Variants in PDGFRA observed in about 807,000 individuals in gnomAD.
The protein encoded by PDGFRA is platelet-derived growth factor receptor alpha.
In PDGFRA, 25 loss-of-function variants were observed where a neutral mutation model predicts 121.5. The observed-to-expected ratio is 0.21, with a 90% CI of 0.15 to 0.29. PDGFRA has a LOEUF of 0.29. Ranked by LOEUF, PDGFRA falls within the 10% of genes least tolerant of loss-of-function variation. PDGFRA has a pLI of 1.00. For missense variants in PDGFRA, 1,008 were observed against 1,345.1 expected (o/e 0.75, Z 3.92); for synonymous variants, 463 against 494.8 (o/e 0.94, Z 0.85).
Position 54,270,759 on chromosome 4 carries a change from G to A in PDGFRA, c.1237+11G>A, listed in dbSNP as rs2110280456. 4 of 1,385,684 alleles carry A rather than the reference G, an allele frequency of 2.9e-6. No homozygotes were observed. Among genetic ancestry groups the A allele is most frequent in the Non-Finnish European group, 4.1e-6 (4 of 971,882 alleles). 85.8% of individuals were successfully genotyped at this position (1,385,684 alleles called of 1,614,324 possible). ...AACTGTTAACTCAAGGTATGTAAAG[G>A]GAGTATAAAGATAATGCTAGCTCTG... On this transcript the variant is annotated intron_variant, in intron 8 of 22. Coordinates refer to ENST00000257290, the MANE Select transcript of PDGFRA (RefSeq NM_006206.6).
intron 1 of PDGFRA, among the ~76,000 whole-genome samples, chr4:54,249,349 G>A (rs1004427307): frequency 2.9e-4 from 44 of 152,240 alleles, no homozygotes; most frequent in Non-Finnish European, 5.6e-4. Context: ...GTTTATTGCG[G>A]CACTATTCAC....
At chr4:54,233,857 G>T (rs1053545185) in intron 1 of PDGFRA, among the ~76,000 whole-genome samples, 2 of 152,142 alleles carry the variant, frequency 1.3e-5, no homozygotes, top group African/African-American at 4.8e-5. Flanking sequence ...TTACGACCCT[G>T]CGTTATTGTG....
chr4:54,265,275 G>C, intron 5 of PDGFRA: 1 of 524,714 alleles, frequency 1.9e-6, no homozygotes. Context: ...AATACATAAA[G>C]AGTGTGCCGT....
At chr4:54,237,561 A>C (rs1272169333) in intron 1 of PDGFRA, among the ~76,000 whole-genome samples, 1 of 152,186 alleles carries the variant, frequency 6.6e-6, no homozygotes, top group Non-Finnish European at 1.5e-5. Context: ...GGAGGCTGAT[A>C]TTTATATGTA....
intron 1 of PDGFRA, among the ~76,000 whole-genome samples, chr4:54,247,521 C>T (rs1026626510): frequency 6.6e-6 from 1 of 151,864 alleles, no homozygotes; most frequent in Non-Finnish European, 1.5e-5. Context: ...ATTCAACAAC[C>T]CTTCATGCTA....
intron 3 of PDGFRA, among the ~76,000 whole-genome samples, chr4:54,262,181 C>T (rs893518425): frequency 6.6e-6 from 1 of 152,044 alleles, no homozygotes; most frequent in Admixed American, 6.5e-5. Flanking sequence ...CTGCCTGCTT[C>T]GGCCTCCCAA....
At chr4:54,285,523 T>A (rs1362877744) in intron 17 of PDGFRA, 37 bp downstream of exon 17, 1 of 893,220 alleles carries the variant, frequency 1.1e-6, no homozygotes, top group Non-Finnish European at 1.9e-6. Context: ...TAGACCCAGA[T>A]TTCAGTGAGT....
At chr4:54,245,193 A>G (rs1721565430) in intron 1 of PDGFRA, among the ~76,000 whole-genome samples, 3 of 152,186 alleles carry the variant, frequency 2.0e-5, no homozygotes, top group African/African-American at 4.8e-5. Context: ...GCAGGCCAAC[A>G]TTCAGATTCA....
intron 1 of PDGFRA, among the ~76,000 whole-genome samples, chr4:54,256,588 A>C (rs1722385719): frequency 6.7e-6 from 1 of 150,248 alleles, no homozygotes; most frequent in African/African-American, 2.5e-5. Flanking sequence ...TCTGTCGCCC[A>C]CACTGGAGTG....
At chr4:54,275,230 G>A (rs185247046) in intron 12 of PDGFRA, among the ~76,000 whole-genome samples, 1 of 152,184 alleles carries the variant, frequency 6.6e-6, no homozygotes, top group African/African-American at 2.4e-5. Context: ...AAGAGGGCTG[G>A]CAAAGATACC....
chr4:54,255,087 A>C (rs1341698347), intron 1 of PDGFRA, among the ~76,000 whole-genome samples: 1 of 152,178 alleles, frequency 6.6e-6, no homozygotes, highest in East Asian at 1.9e-4. Context: ...GCCTTGTATT[A>C]GAATTTTGGC....
rs1185669743 is a variant in PDGFRA at position 54,277,800 on chromosome 4, T to C, written c.1892-96T>C. ...TTTAGACTTCTGGTAAATAGAATGA[T>C]ATCCAATCACAGGATTAGTCATATT... is the stretch of plus-strand genomic sequence containing the variant. On this transcript the variant is annotated intron_variant, in intron 13 of 22. Coordinates refer to ENST00000257290, the MANE Select transcript of PDGFRA (RefSeq NM_006206.6). 3 of 806,976 alleles carry C rather than the reference T, an allele frequency of 3.7e-6. No individual in the cohort carries two copies. The East Asian group carries it at 7.6e-5, about 21-fold the overall frequency. The allele number at this position is 806,976 out of a possible 1,614,324, so 50.0% of individuals were successfully genotyped here. A position where few individuals can be genotyped will look rare whatever the true frequency, so the allele number is the denominator to read the frequency against.
chr4:54,273,667 G>T lies in PDGFRA; in HGVS notation c.1495G>T (p.Val499Leu), dbSNP rs746574289. 1 of 1,614,020 alleles carries T rather than the reference G, an allele frequency of 6.2e-7. No homozygotes were observed. Among genetic ancestry groups the T allele is most frequent in the Non-Finnish European group, 8.5e-7 (1 of 1,180,000 alleles). ...CGCCAAAGTGGAGGAGACCATCGCC[G>T]TGCGATGCCTGGCTAAGAATCTCCT... ...TFAKVEETIA[V>L]RCLAKNLLGA... is the part of the protein sequence containing the mutation. The change falls in exon 10 of 23, where the codon GTG (valine) becomes TTG (leucine). Residue 499 changes from valine (V) to leucine (L), a missense_variant. Physicochemically the swap from Val to Leu is conservative, Grantham distance 32. Around this residue, in one of 5 missense-constraint regions of PDGFRA, gnomAD observed 575 missense variants for 701.8 expected, o/e 0.82. Transcript: ENST00000257290.
intron 9 of PDGFRA, 109 bp downstream of exon 9, chr4:54,272,629 G>A (rs2110287979): frequency 8.0e-7 from 1 of 1,242,696 alleles, no homozygotes; most frequent in Non-Finnish European, 1.2e-6. Flanking sequence ...GGTTTTGGGT[G>A]TGATAGCTTC....
At chr4:54,238,914 G>A (rs547397173) in intron 1 of PDGFRA, among the ~76,000 whole-genome samples, 16 of 152,168 alleles carry the variant, frequency 1.1e-4, no homozygotes, top group Middle Eastern at 3.4e-3. Flanking sequence ...TGGAGGCTGC[G>A]GTGAGCTGAG....
At chr4:54,265,142 C>A in intron 5 of PDGFRA, 93 bp downstream of exon 5, 1 of 1,219,442 alleles carries the variant, frequency 8.2e-7, no homozygotes, top group Non-Finnish European at 1.2e-6. Context: ...ATGGGCACAT[C>A]ACTGAGTTTC....
chr4:54,280,739 G>A (rs1724033078), intron 16 of PDGFRA: 4 of 286,800 alleles, frequency 1.4e-5, no homozygotes, highest in Middle Eastern at 1.1e-3. Context: ...TTCTTGGTGT[G>A]TTCCTGCAGT....
At chr4:54,261,018 C>T (rs1483067034) in intron 2 of PDGFRA, 77 bp from the exon 3 acceptor site, 1 of 1,287,766 alleles carries the variant, frequency 7.8e-7, no homozygotes, top group African/African-American at 1.5e-5. Context: ...TAAGCTGCTA[C>T]TGTTGCTTCT....
rs115933952 is a variant in PDGFRA, at chr4:54,291,484, T to A, written c.3122+930T>A. 7.8e-3 allele frequency among the ~76,000 whole-genome samples: 1,176 copies of A among 150,442 alleles called. 17 individuals are homozygous for A. The highest frequency in any genetic ancestry group is 0.026 in the African/African-American group (1,060 of 41,204). ...TGGGCAGAGGACATAAGCAGACACT[T>A]TTCAAAAGAAGACATACCTGCAGCC... On this transcript the variant is annotated intron_variant, in intron 22 of 22. Coordinates refer to ENST00000257290, the MANE Select transcript of PDGFRA (RefSeq NM_006206.6).
Sources: allele counts gnomAD v4.1 joint callset (sites outside exome capture counted in the v4.1 genomes callset), GRCh38; gene constraint gnomAD v4.1.1; regional missense constraint gnomAD v4.1.1; transcripts MANE v1.5; gene names NCBI Gene and HGNC (gene_info 2026-07-23, HGNC 2026-07-21).